The following OSBPL1A variants were observed in gnomAD, a reference collection of about 807,000 sequenced individuals.
The protein encoded by OSBPL1A is oxysterol-binding protein-related protein 1.
Under a neutral mutation model 137.1 loss-of-function variants are expected in OSBPL1A, and 80 were observed. The observed-to-expected ratio is 0.58, with a 90% CI of 0.49 to 0.70. The LOEUF (loss-of-function observed/expected upper bound fraction) is 0.70, where lower values mean the gene tolerates loss of function less well. OSBPL1A is among the 30% of genes least tolerant of loss of function. The pLI is 0.00. For synonymous variants in OSBPL1A, 365 were observed against 389.7 expected (o/e 0.94, Z 0.75); for missense variants, 970 against 1,129.4 (o/e 0.86, Z 2.02).
intron 5 of OSBPL1A, among the ~76,000 whole-genome samples, chr18:24,336,018 T>C (rs1291192425): frequency 6.6e-6 from 1 of 152,184 alleles, no homozygotes; most frequent in Non-Finnish European, 1.5e-5. Context: ...TCCCACTGGT[T>C]CTATGGCTGC....
chr18:24,263,646 A>AT (rs2089496938), intron 15 of OSBPL1A, among the ~76,000 whole-genome samples: 1 of 151,982 alleles, frequency 6.6e-6, no homozygotes, highest in African/African-American at 2.4e-5. Flanking sequence ...CCAACACTTC[A>AT]TTTTTTTGAA....
intron 7 of OSBPL1A, among the ~76,000 whole-genome samples, chr18:24,328,528 G>T (rs1296228907): frequency 6.6e-6 from 1 of 152,146 alleles, no homozygotes; most frequent in Non-Finnish European, 1.5e-5. Context: ...CACAGGGAAA[G>T]GCTCTCTGGG....
intron 4 of OSBPL1A, among the ~76,000 whole-genome samples, chr18:24,349,773 G>C (rs941946995): frequency 1.3e-5 from 2 of 151,328 alleles, no homozygotes; most frequent in South Asian, 2.1e-4. Flanking sequence ...AACAACCTGC[G>C]TGTACTTGCA....
intron 4 of OSBPL1A, among the ~76,000 whole-genome samples, chr18:24,366,216 AC>A (rs927168633): frequency 1.3e-5 from 2 of 152,194 alleles, no homozygotes; most frequent in Non-Finnish European, 2.9e-5. Flanking sequence ...GAGGAAGGGC[AC>A]AGAGCACCCA....
intron 17 of OSBPL1A, 83 bp from the exon 18 acceptor site, chr18:24,196,283 G>A: frequency 1.1e-6 from 1 of 925,670 alleles, no homozygotes; most frequent in South Asian, 1.4e-5. Context: ...TCACATGAGA[G>A]CTGCAGGCAC....
chr18:24,260,308 T>G (rs113202070), intron 15 of OSBPL1A, among the ~76,000 whole-genome samples: 3,836 of 152,272 alleles, frequency 0.025, 166 homozygotes, highest in African/African-American at 0.087. Context: ...GGAATCCTAC[T>G]TTTAGGTATA....
At position 24,203,632 on chromosome 18, in the gene OSBPL1A, C is replaced by T. The variant is rs2087284826; in HGVS notation, c.1602-7432G>A. On this transcript the variant is annotated intron_variant, in intron 17 of 27. Transcript: ENST00000319481. ...CGCTTTGTTCTTTTTGCTTGCCACC[C>T]CACTCCTCCATCTCCACCACCACTC... Among the ~76,000 whole-genome samples, 3 of 152,166 alleles carry T rather than the reference C, an allele frequency of 2.0e-5. No homozygotes were observed. The South Asian group carries it at 6.2e-4, about 32-fold the overall frequency.
At chr18:24,344,232 T>C (rs1262615511) in intron 4 of OSBPL1A, among the ~76,000 whole-genome samples, 1 of 152,152 alleles carries the variant, frequency 6.6e-6, no homozygotes, top group East Asian at 1.9e-4. Context: ...GACGGATCAC[T>C]TGAGGCCAGG....
At position 24,341,740 on chromosome 18, in the gene OSBPL1A, CAG is replaced by C. The variant is rs1053190461; in HGVS notation, c.283-84_283-83del. Reference sequence around the variant, plus strand: ...CCCTTTTCCAAATTACTAACTACTACAGAGTCTCCACAATAGAAAAAAGCACC... The same window carrying C: ...CCCTTTTCCAAATTACTAACTACTACAGTCTCCACAATAGAAAAAAGCACC... On this transcript the variant is annotated intron_variant, in intron 4 of 27. Transcript: ENST00000319481. 74 of 826,094 alleles carry C rather than the reference CAG, an allele frequency of 9.0e-5. No homozygotes were observed. The African/African-American group carries it at 1.2e-3, about 13-fold the overall frequency. The allele number at this position is 826,094 out of a possible 1,614,324, so 51.2% of individuals were successfully genotyped here.
At position 24,181,040 on chromosome 18, in the gene OSBPL1A, AC is replaced by A. The variant is rs1431654293; in HGVS notation, c.1812+104del. On this transcript the variant is annotated intron_variant, in intron 19 of 27. Coordinates refer to ENST00000319481, the MANE Select transcript of OSBPL1A (RefSeq NM_080597.4). The stretch of plus-strand genomic sequence containing the variant: ...GACTGAGCTTTGATAAAATTGCCCA[AC>A]CTCACATTGAATTTAACACTAATTG... 6.7e-5 allele frequency: 93 copies of A among 1,378,346 alleles called. No individual in the cohort carries two copies. In the African/African-American group the frequency reaches 1.3e-3, roughly 19 times the overall value. 85.4% of individuals were successfully genotyped at this position (1,378,346 alleles called of 1,614,324 possible). A position where few individuals can be genotyped will look rare whatever the true frequency, so the allele number is the denominator to read the frequency against.
chr18:24,216,612 G>A (rs2087711099), intron 17 of OSBPL1A, among the ~76,000 whole-genome samples: 1 of 152,182 alleles, frequency 6.6e-6, no homozygotes, highest in Admixed American at 6.5e-5. Context: ...TCTAAGATCA[G>A]TACTTTCTTT....
chr18:24,392,406 A>C (rs567322425), intron 1 of OSBPL1A, among the ~76,000 whole-genome samples: 1 of 152,020 alleles, frequency 6.6e-6, no homozygotes, highest in East Asian at 1.9e-4. Flanking sequence ...TGATCTGCCC[A>C]CCTCGGCCTC....
chr18:24,305,258 A>G (rs2090478252), intron 13 of OSBPL1A, among the ~76,000 whole-genome samples: 1 of 152,240 alleles, frequency 6.6e-6, no homozygotes, highest in Non-Finnish European at 1.5e-5. Flanking sequence ...AACACCTTCT[A>G]TAGCATCATC....
intron 16 of OSBPL1A, among the ~76,000 whole-genome samples, chr18:24,229,468 G>A (rs2088198728): frequency 6.6e-6 from 1 of 152,122 alleles, no homozygotes; most frequent in Non-Finnish European, 1.5e-5. Flanking sequence ...AAATAGTTTG[G>A]GCTTACTCTG....
chr18:24,303,651 C>A lies in OSBPL1A; in HGVS notation c.1160G>T (p.Cys387Phe), dbSNP rs753174095. 3 of 1,613,028 alleles carry A rather than the reference C, an allele frequency of 1.9e-6. No homozygotes were observed. In the Middle Eastern group the frequency reaches 5.0e-4, roughly 266 times the overall value. ...ISNFLKMIKECDMAKEMLPSF... is the reference protein window; with the variant it reads ...ISNFLKMIKEFDMAKEMLPSF... ...TGTCTTTTTACCTTTAGCCATGTCA[C>A]ACTCCTTAATCATTTTGAGAAAGTT... Residue 387 changes from cysteine to phenylalanine, a missense_variant, in exon 14 of 28, where the codon TGT (cysteine) becomes TTT (phenylalanine). By Grantham distance (205) the Cys-to-Phe change is radical (BLOSUM62 -2). Around this residue, in one of 2 missense-constraint regions of OSBPL1A, gnomAD observed 647 missense variants for 672.6 expected, o/e 0.96. Coordinates refer to ENST00000319481, the MANE Select transcript of OSBPL1A (RefSeq NM_080597.4).
intron 15 of OSBPL1A, among the ~76,000 whole-genome samples, chr18:24,263,652 T>C (rs187759570): frequency 5.3e-5 from 8 of 152,178 alleles, no homozygotes; most frequent in African/African-American, 1.4e-4. Context: ...CTTCATTTTT[T>C]TGAAACGGAG....
At chr18:24,250,423 G>T (rs1163135331) in intron 15 of OSBPL1A, among the ~76,000 whole-genome samples, 1 of 152,080 alleles carries the variant, frequency 6.6e-6, no homozygotes, top group Non-Finnish European at 1.5e-5. Flanking sequence ...TGATCCACCC[G>T]CCTCAGCCTC....
chr18:24,246,663 T>C (rs899982718), intron 15 of OSBPL1A, among the ~76,000 whole-genome samples: 4 of 151,542 alleles, frequency 2.6e-5, no homozygotes, highest in Admixed American at 2.6e-4. Flanking sequence ...TGGTGGTACA[T>C]GCCTGTAATC....
rs377171957 is a variant in OSBPL1A at position 24,259,198 on chromosome 18, C to T, written c.1282-19816G>A. Among the ~76,000 whole-genome samples the T allele has an allele frequency of 1.5e-4, 23 of 152,202 alleles. 1 individual carries two copies. The highest frequency in any genetic ancestry group is 4.6e-4 in the African/African-American group (19 of 41,530). On this transcript the variant is annotated intron_variant, in intron 15 of 27. Transcript: ENST00000319481. Reference sequence around the variant, plus strand: ...CTGGGATTATAGGCGAGAGCCACCACGCCTGGCCTAAAATTACATCTTTTT... The same window carrying T: ...CTGGGATTATAGGCGAGAGCCACCATGCCTGGCCTAAAATTACATCTTTTT...
Sources: allele counts gnomAD v4.1 joint callset (sites outside exome capture counted in the v4.1 genomes callset), GRCh38; gene constraint gnomAD v4.1.1; regional missense constraint gnomAD v4.1.1; transcripts MANE v1.5; gene names NCBI Gene and HGNC (gene_info 2026-07-23, HGNC 2026-07-21).